PTPRD: variants seen among roughly 807,000 people sequenced by gnomAD.
PTPRD encodes the protein protein tyrosine phosphatase receptor type D, also known as receptor-type tyrosine-protein phosphatase delta.
PTPRD carries 34 observed loss-of-function variants against 214.5 expected under a neutral mutation model. The ratio of observed to expected loss-of-function variants is 0.16; its 90% CI spans 0.12 to 0.21. The LOEUF (loss-of-function observed/expected upper bound fraction) is 0.21. Among genes scored for constraint, PTPRD ranks in the 10% least tolerant of loss-of-function variants. PTPRD has a pLI of 1.00. For synonymous variants in PTPRD, 1,128 were observed against 845.7 expected (o/e 1.33, Z -5.79); for missense variants, 2,545 against 2,398.7 (o/e 1.06, Z -1.27).
At chr9:10,274,282 G>C (rs1344205272) in intron 3 of PTPRD, among the ~76,000 whole-genome samples, 3 of 152,226 alleles carry the variant, frequency 2.0e-5, no homozygotes, top group South Asian at 4.2e-4. Flanking sequence ...AATGAAAACA[G>C]ATTGACTTGC....
chr9:10,049,619 T>C (rs1185088231), intron 3 of PTPRD, among the ~76,000 whole-genome samples: 1 of 152,176 alleles, frequency 6.6e-6, no homozygotes, highest in African/African-American at 2.4e-5. Context: ...CTATATATAC[T>C]ATGTGAGGGA....
chr9:8,902,725 T>C (rs1180336728), intron 11 of PTPRD, among the ~76,000 whole-genome samples: 1 of 152,142 alleles, frequency 6.6e-6, no homozygotes, highest in Non-Finnish European at 1.5e-5. Flanking sequence ...GATCATAAGC[T>C]TGTAGGAAAA....
At chr9:8,333,332 C>G (rs1311283921) in intron 43 of PTPRD, among the ~76,000 whole-genome samples, 1 of 152,126 alleles carries the variant, frequency 6.6e-6, no homozygotes, top group Non-Finnish European at 1.5e-5. Context: ...CTTTCAATAG[C>G]AAGAAGAGGT....
intron 5 of PTPRD, among the ~76,000 whole-genome samples, chr9:9,914,145 T>G (rs1212203364): frequency 2.0e-5 from 3 of 152,158 alleles, no homozygotes; most frequent in African/African-American, 7.2e-5. Flanking sequence ...CCTTTCCCAA[T>G]GCAGGAGAGA....
chr9:9,974,943 G>T (rs1374167528), intron 4 of PTPRD, among the ~76,000 whole-genome samples: 1 of 152,112 alleles, frequency 6.6e-6, no homozygotes, highest in African/African-American at 2.4e-5. Flanking sequence ...GTATATTAAG[G>T]GGTAGAGAGA....
At chr9:9,334,830 G>T (rs189372448) in intron 9 of PTPRD, among the ~76,000 whole-genome samples, 1 of 151,744 alleles carries the variant, frequency 6.6e-6, no homozygotes, top group East Asian at 1.9e-4. Flanking sequence ...ATCTTCCAAG[G>T]TACCATTAAG....
At chr9:10,533,533 G>GTT (rs35625073) in intron 2 of PTPRD, among the ~76,000 whole-genome samples, 1 of 148,666 alleles carries the variant, frequency 6.7e-6, no homozygotes, top group Non-Finnish European at 1.5e-5. Flanking sequence ...AATTTTTGGT[G>GTT]TTTTTTTTTC....
At chr9:8,683,414 G>A (rs1028290261) in intron 12 of PTPRD, among the ~76,000 whole-genome samples, 5 of 150,574 alleles carry the variant, frequency 3.3e-5, no homozygotes, top group South Asian at 4.2e-4. Flanking sequence ...GTATACATAA[G>A]TGAGAGAGAG....
intron 10 of PTPRD, among the ~76,000 whole-genome samples, chr9:9,072,948 C>G (rs2099745911): frequency 6.6e-6 from 1 of 152,094 alleles, no homozygotes; most frequent in African/African-American, 2.4e-5. Flanking sequence ...CCATCTTGAA[C>G]AGATCTCTAC....
At chr9:9,547,121 A>G (rs573161250) in intron 8 of PTPRD, among the ~76,000 whole-genome samples, 1 of 152,194 alleles carries the variant, frequency 6.6e-6, no homozygotes, top group African/African-American at 2.4e-5. Flanking sequence ...CACAAATGCC[A>G]TACCAAACTT....
intron 10 of PTPRD, among the ~76,000 whole-genome samples, chr9:9,092,342 G>A (rs937435482): frequency 7.2e-5 from 11 of 152,038 alleles, no homozygotes; most frequent in African/African-American, 1.9e-4. Flanking sequence ...ATAAAGGTAT[G>A]CTGTTTTCAT....
At position 9,728,679 on chromosome 9, in the gene PTPRD, C is replaced by A. The variant is rs963712016; in HGVS notation, c.-287+5854G>T. ...AATAAAATTATCTAAGATACAGTGG[C>A]TCCTTTAATTTAGAAATTGTTGTTA... On this transcript the variant is annotated intron_variant, in intron 7 of 45. Transcript: ENST00000381196. Among the ~76,000 whole-genome samples the A allele has an allele frequency of 6.6e-5, 10 of 152,226 alleles. No homozygotes were observed. In the East Asian group the frequency reaches 1.9e-3, roughly 29 times the overall value.
chr9:9,929,643 CA>C (rs2085662372), intron 5 of PTPRD, among the ~76,000 whole-genome samples: 1 of 152,158 alleles, frequency 6.6e-6, no homozygotes, highest in Non-Finnish European at 1.5e-5. Flanking sequence ...CTGCCCACCT[CA>C]GCCTCACAAA....
At chr9:9,512,991 C>A (rs2096745389) in intron 8 of PTPRD, among the ~76,000 whole-genome samples, 1 of 151,746 alleles carries the variant, frequency 6.6e-6, no homozygotes, top group Non-Finnish European at 1.5e-5. Flanking sequence ...TTCCTTTTAG[C>A]AAATAAAAAT....
chr9:9,116,502 A>C (rs1446147800), intron 10 of PTPRD, among the ~76,000 whole-genome samples: 1 of 152,018 alleles, frequency 6.6e-6, no homozygotes, highest in Non-Finnish European at 1.5e-5. Context: ...ATGAAAAGTT[A>C]CCTACTGATT....
At chr9:9,027,339 G>C (rs2099590781) in intron 10 of PTPRD, among the ~76,000 whole-genome samples, 1 of 151,738 alleles carries the variant, frequency 6.6e-6, no homozygotes, top group South Asian at 2.1e-4. Context: ...TTATCCATTT[G>C]ACAATAGCTG....
intron 11 of PTPRD, among the ~76,000 whole-genome samples, chr9:8,753,125 C>CTAA (rs1565801638): frequency 6.6e-6 from 1 of 152,118 alleles, no homozygotes; most frequent in African/African-American, 2.4e-5. Flanking sequence ...AAGTAAGGTA[C>CTAA]GTTATTCTGT....
At chr9:10,256,922 T>G (rs2093328223) in intron 3 of PTPRD, among the ~76,000 whole-genome samples, 1 of 152,226 alleles carries the variant, frequency 6.6e-6, no homozygotes, top group South Asian at 2.1e-4. Context: ...CATCACTTCC[T>G]CTACCATTCT....
At chr9:8,507,244 A>T (rs958422564) in intron 22 of PTPRD, 57 bp downstream of exon 22, 123 of 1,566,618 alleles carry the variant, frequency 7.9e-5, no homozygotes, top group Non-Finnish European at 1.0e-4. Flanking sequence ...ACACAAAAAT[A>T]AAAAAGTGGC....
Sources: allele counts gnomAD v4.1 joint callset (sites outside exome capture counted in the v4.1 genomes callset), GRCh38; gene constraint gnomAD v4.1.1; transcripts MANE v1.5; gene names NCBI Gene and HGNC (gene_info 2026-07-23, HGNC 2026-07-21).